The following MYO3B variants were observed in gnomAD, a reference collection of about 807,000 sequenced individuals.
MYO3B encodes the protein myosin-IIIb.
In MYO3B, 156 loss-of-function variants were observed where a neutral mutation model predicts 174.6. The ratio of observed to expected loss-of-function variants is 0.89; its 90% confidence interval spans 0.78 to 1.02. The LOEUF is 1.02. Ranked by LOEUF, MYO3B falls within the 50% of genes least tolerant of loss-of-function variation. The pLI is 0.00. For missense variants in MYO3B, 1,632 were observed against 1,639.4 expected, an observed-to-expected ratio of 1.00 and a Z score of 0.08; for synonymous variants, 563 against 569.1, an observed-to-expected ratio of 0.99 and a Z score of 0.15.
chr2:170,361,469 C>T (rs985018601), intron 8 of MYO3B, among the ~76,000 whole-genome samples: 19 of 152,218 alleles, frequency 1.2e-4, no homozygotes, highest in Admixed American at 5.2e-4. Flanking sequence ...CCTTAATTCT[C>T]GGACACAAAA....
chr2:170,229,672 C>T (rs969223636), intron 6 of MYO3B, among the ~76,000 whole-genome samples: 12 of 152,130 alleles, frequency 7.9e-5, no homozygotes, highest in Admixed American at 1.3e-4. Flanking sequence ...ACATAAAATT[C>T]GATAAATGGT....
intron 30 of MYO3B, among the ~76,000 whole-genome samples, chr2:170,528,263 C>T (rs116130027): frequency 0.013 from 1,950 of 152,234 alleles, 40 homozygotes; most frequent in African/African-American, 0.044. Context: ...CTGGTAGCTG[C>T]CTATGGTTAA....
chr2:170,329,680 C>A (rs2093898183), intron 7 of MYO3B, among the ~76,000 whole-genome samples: 1 of 152,064 alleles, frequency 6.6e-6, no homozygotes, highest in Non-Finnish European at 1.5e-5. Flanking sequence ...AGGGGTGAGC[C>A]ACCATGCCCA....
At chr2:170,648,885 AT>A (rs1445236612) in intron 32 of MYO3B, among the ~76,000 whole-genome samples, 1 of 69,360 alleles carries the variant, frequency 1.4e-5, no homozygotes, top group African/African-American at 5.3e-5. Context: ...TATTCTATAT[AT>A]TATATATGAA....
At chr2:170,537,908 C>T (rs986455798) in intron 30 of MYO3B, among the ~76,000 whole-genome samples, 2 of 152,184 alleles carry the variant, frequency 1.3e-5, no homozygotes, top group Admixed American at 1.3e-4. Context: ...AATCAACCAA[C>T]ATTGAATTAG....
chr2:170,310,543 A>G (rs921892110), intron 7 of MYO3B, among the ~76,000 whole-genome samples: 2 of 151,780 alleles, frequency 1.3e-5, no homozygotes, highest in African/African-American at 4.8e-5. Flanking sequence ...GGGCACCTGT[A>G]ATCCCAGCTA....
intron 29 of MYO3B, among the ~76,000 whole-genome samples, chr2:170,516,551 G>T (rs1371952003): frequency 6.6e-6 from 1 of 151,522 alleles, no homozygotes; most frequent in Non-Finnish European, 1.5e-5. Flanking sequence ...GCTGAGGCAG[G>T]AGAATGGTGT....
In MYO3B at chr2:170,200,955, T is replaced by G. The variant is rs138951893; in HGVS notation, c.321+671T>G. On this transcript the variant is annotated intron_variant, in intron 3 of 34. Coordinates refer to ENST00000408978, the MANE Select transcript of MYO3B (RefSeq NM_138995.5). Reference sequence around the variant, plus strand: ...GCGAAGGAGCGTGACTTTGGGGGAGTCAGTTCTCTGAAGTGGAAGCCAACT... The same window carrying G: ...GCGAAGGAGCGTGACTTTGGGGGAGGCAGTTCTCTGAAGTGGAAGCCAACT... Among the ~76,000 whole-genome samples, 327 of 151,890 alleles carry G rather than the reference T, an allele frequency of 2.2e-3. 3 individuals are homozygous for G. The highest frequency in any genetic ancestry group is 0.015 in the East Asian group (78 of 5,158).
At chr2:170,305,666 C>A (rs1315415320) in intron 7 of MYO3B, among the ~76,000 whole-genome samples, 1 of 152,122 alleles carries the variant, frequency 6.6e-6, no homozygotes, top group East Asian at 1.9e-4. Context: ...ATTTTTGTCC[C>A]AAGTACTTAT....
At chr2:170,463,237 A>G in intron 23 of MYO3B, 131 bp from the exon 24 acceptor site, 1 of 654,218 alleles carries the variant, frequency 1.5e-6, no homozygotes. Context: ...TCCCCACAGT[A>G]TACACTATTG....
At chr2:170,385,173 T>A (rs938198609) in intron 12 of MYO3B, among the ~76,000 whole-genome samples, 4 of 152,098 alleles carry the variant, frequency 2.6e-5, no homozygotes, top group Non-Finnish European at 4.4e-5. Context: ...CACATCCCCC[T>A]CCCAGCACCT....
intron 8 of MYO3B, among the ~76,000 whole-genome samples, chr2:170,363,195 AAGAC>A (rs2094174509): frequency 6.6e-6 from 1 of 152,130 alleles, no homozygotes; most frequent in African/African-American, 2.4e-5. Flanking sequence ...GGAAGTATAA[AAGAC>A]AGAATATTTA....
At position 170,206,823 on chromosome 2, in the gene MYO3B, C is replaced by A. The variant is rs1167377194; in HGVS notation, c.321+6539C>A. 1.3e-5 allele frequency among the ~76,000 whole-genome samples: 2 copies of A among 152,206 alleles called. No homozygotes were observed. Among genetic ancestry groups the A allele is most frequent in the Non-Finnish European group, 1.5e-5 (1 of 68,000 alleles). The stretch of plus-strand genomic sequence containing the variant: ...AGAGGCTTCGGAACTGTATTGTAAC[C>A]ACAAAGTCCTTGTGATAATAAAACT... On this transcript the variant is annotated intron_variant, in intron 3 of 34. Coordinates refer to ENST00000408978, the MANE Select transcript of MYO3B (RefSeq NM_138995.5). The surrounding 1 kb of genome is among the most constrained non-coding windows in gnomAD (Gnocchi z 4.3).
In MYO3B at chr2:170,402,942, G is replaced by A. The variant is rs377066247; in HGVS notation, c.2224G>A (p.Ala742Thr). The A allele has an allele frequency of 6.8e-6, 11 of 1,610,310 alleles. No homozygotes were observed. Among genetic ancestry groups the A allele is most frequent in the Middle Eastern group, 1.6e-4 (1 of 6,072 alleles). The change falls in exon 19 of 35, where the codon GCC (alanine) becomes ACC (threonine). Residue 742 changes from alanine (A) to threonine (T), a missense_variant. Ala to Thr is a moderately conservative substitution (Grantham distance 58). Transcript: ENST00000408978. ...NSFEQLCINIANEQIQYYFNQ... is the reference protein window; with the variant it reads ...NSFEQLCINITNEQIQYYFNQ... ...ATTTGAGCAGCTCTGCATAAACATCGCCAATGAGCAAATCCAGTACTATTT... is the reference window on the plus strand; with the variant it reads ...ATTTGAGCAGCTCTGCATAAACATCACCAATGAGCAAATCCAGTACTATTT...
intron 22 of MYO3B, among the ~76,000 whole-genome samples, chr2:170,431,995 A>G (rs1270707219): frequency 1.3e-5 from 2 of 152,262 alleles, no homozygotes; most frequent in African/African-American, 4.8e-5. Context: ...ATGCTGATAT[A>G]ATAAGCCTAC....
intron 8 of MYO3B, 114 bp downstream of exon 8, chr2:170,335,564 G>C (rs745758377): frequency 2.6e-6 from 2 of 774,602 alleles, no homozygotes; most frequent in Non-Finnish European, 4.2e-6. Flanking sequence ...CTGTTAGCAC[G>C]TTATGACTCG....
chr2:170,342,561 C>A (rs2093984171), intron 8 of MYO3B, among the ~76,000 whole-genome samples: 1 of 152,056 alleles, frequency 6.6e-6, no homozygotes, highest in African/African-American at 2.4e-5. Flanking sequence ...TGTCTGACCG[C>A]CAGTCCTCAG....
chr2:170,282,949 C>G (rs1279960038), intron 7 of MYO3B, among the ~76,000 whole-genome samples: 1 of 152,116 alleles, frequency 6.6e-6, no homozygotes, highest in Non-Finnish European at 1.5e-5. Context: ...GTTCTGGGGA[C>G]TCTGTTTTTC....
At chr2:170,413,969 G>T (rs1046907842) in intron 22 of MYO3B, among the ~76,000 whole-genome samples, 1 of 151,940 alleles carries the variant, frequency 6.6e-6, no homozygotes, top group Non-Finnish European at 1.5e-5. Context: ...GAACCTGGGA[G>T]GCGGAGGTTG....
Sources: gnomAD v4.1 joint callset for allele counts (sites outside exome capture counted in the v4.1 genomes callset) on GRCh38, gnomAD v4.1.1 for gene constraint, Gnocchi (gnomAD v3.1) non-coding constraint, MANE v1.5 for transcripts, NCBI Gene and HGNC (gene_info 2026-07-23, HGNC 2026-07-21) for gene names.